HOMER1: variants seen among roughly 807,000 people sequenced by gnomAD.
HOMER1 encodes homer protein homolog 1.
In HOMER1, 3 loss-of-function variants were observed where a neutral mutation model predicts 48.9. The ratio of observed to expected loss-of-function variants is 0.06; its 90% CI spans 0.03 to 0.16. HOMER1 has a LOEUF of 0.16. HOMER1 is among the 10% of genes least tolerant of loss of function. The pLI is 1.00. For synonymous variants in HOMER1, 134 were observed against 146.4 expected (o/e 0.92, Z 0.61); for missense variants, 247 against 411.4 (o/e 0.60, Z 3.46).
rs540791701 is a variant in HOMER1, at chr5:79,407,459, G to A, written c.528-5404C>T. Reference sequence around the variant, plus strand: ...GTGTTAGTGGAAAGAAGGACATCACGTTCACTCAGATTGTGAATTTTAGCA... The same window carrying A: ...GTGTTAGTGGAAAGAAGGACATCACATTCACTCAGATTGTGAATTTTAGCA... On this transcript the variant is annotated intron_variant, in intron 5 of 8. Transcript: ENST00000334082. Among the ~76,000 whole-genome samples the A allele has an allele frequency of 7.2e-5, 11 of 152,278 alleles. No homozygotes were observed. The South Asian group carries it at 1.7e-3, about 23-fold the overall frequency.
intron 8 of HOMER1, among the ~76,000 whole-genome samples, chr5:79,383,386 C>A (rs80157921): frequency 1.1e-4 from 15 of 139,910 alleles, no homozygotes; most frequent in Non-Finnish European, 1.7e-4. Context: ...TACAGAACAT[C>A]TTTTTTTTTT....
intron 5 of HOMER1, among the ~76,000 whole-genome samples, chr5:79,403,804 T>C (rs1360686112): frequency 6.6e-6 from 1 of 152,216 alleles, no homozygotes; most frequent in Admixed American, 6.5e-5. Context: ...GTGATTTTTC[T>C]ATAAGTCTAA....
intron 5 of HOMER1, among the ~76,000 whole-genome samples, chr5:79,407,657 A>G (rs1486857619): frequency 1.3e-5 from 2 of 152,234 alleles, no homozygotes; most frequent in African/African-American, 4.8e-5. Context: ...CAAAGAGAAA[A>G]AAGAAAAAGA....
intron 8 of HOMER1, among the ~76,000 whole-genome samples, chr5:79,378,002 G>A (rs1263440535): frequency 6.6e-6 from 1 of 152,028 alleles, no homozygotes. Context: ...TGAATCACCT[G>A]AGGTCAGGAG....
intron 1 of HOMER1, among the ~76,000 whole-genome samples, chr5:79,481,015 T>A (rs967940090): frequency 6.6e-6 from 1 of 152,212 alleles, no homozygotes; most frequent in Non-Finnish European, 1.5e-5. Flanking sequence ...TATAAAGCAA[T>A]AGTCTATGTA....
intron 6 of HOMER1, among the ~76,000 whole-genome samples, chr5:79,401,483 C>A (rs1352455930): frequency 5.3e-5 from 8 of 152,130 alleles, no homozygotes; most frequent in Non-Finnish European, 1.2e-4. Context: ...AATCCCCTCC[C>A]CAGGACAACT....
intron 8 of HOMER1, among the ~76,000 whole-genome samples, chr5:79,380,166 A>C (rs1303833336): frequency 6.6e-6 from 1 of 152,174 alleles, no homozygotes; most frequent in Non-Finnish European, 1.5e-5. Flanking sequence ...TCAGTGGTCC[A>C]TATTTCCACC....
chr5:79,462,241 C>T (rs1751337202), intron 1 of HOMER1, among the ~76,000 whole-genome samples: 1 of 152,074 alleles, frequency 6.6e-6, no homozygotes, highest in South Asian at 2.1e-4. Flanking sequence ...AACACACACA[C>T]TTTAATCATA....
At chr5:79,381,969 A>G (rs1748994683) in intron 8 of HOMER1, among the ~76,000 whole-genome samples, 1 of 152,208 alleles carries the variant, frequency 6.6e-6, no homozygotes, top group African/African-American at 2.4e-5. Context: ...ACTATAAAAA[A>G]GAATCAAACA....
chr5:79,376,679 G>A (rs1392422030), intron 8 of HOMER1, among the ~76,000 whole-genome samples: 3 of 152,092 alleles, frequency 2.0e-5, no homozygotes, highest in Non-Finnish European at 4.4e-5. Context: ...GTGATTTTAG[G>A]ATCCTCTGAA....
At chr5:79,494,898 G>T (rs1752380316) in intron 1 of HOMER1, among the ~76,000 whole-genome samples, 1 of 152,156 alleles carries the variant, frequency 6.6e-6, no homozygotes, top group African/African-American at 2.4e-5. Context: ...CCTCCATATT[G>T]CAGCCTGAGT....
chr5:79,427,612 ACCTT>A (rs1193230008), intron 5 of HOMER1, among the ~76,000 whole-genome samples: 2 of 151,480 alleles, frequency 1.3e-5, no homozygotes, highest in Non-Finnish European at 2.9e-5. Context: ...TATGTTTACA[ACCTT>A]CCTTCCTTCC....
intron 5 of HOMER1, among the ~76,000 whole-genome samples, chr5:79,425,378 A>C (rs974762038): frequency 1.1e-4 from 16 of 140,456 alleles, no homozygotes; most frequent in African/African-American, 3.7e-4. Context: ...TCAAGCAGAA[A>C]ATTTTTAAAA....
chr5:79,392,106 A>G (rs1157781319), intron 8 of HOMER1, among the ~76,000 whole-genome samples: 1 of 152,204 alleles, frequency 6.6e-6, no homozygotes, highest in East Asian at 1.9e-4. Context: ...ATAGTACATA[A>G]TACTTAATAA....
intron 8 of HOMER1, among the ~76,000 whole-genome samples, chr5:79,386,150 G>C (rs911948981): frequency 6.6e-6 from 1 of 151,784 alleles, no homozygotes; most frequent in Admixed American, 6.6e-5. Flanking sequence ...GTACATCAAA[G>C]GGATACCCAC....
chr5:79,379,265 T>A (rs543284291), intron 8 of HOMER1, among the ~76,000 whole-genome samples: 2 of 105,250 alleles, frequency 1.9e-5, no homozygotes, highest in Non-Finnish European at 3.5e-5. Context: ...TTATATATAT[T>A]ATATATTATA....
intron 1 of HOMER1, among the ~76,000 whole-genome samples, chr5:79,471,199 C>A (rs934626381): frequency 6.6e-6 from 1 of 152,062 alleles, no homozygotes; most frequent in African/African-American, 2.4e-5. Flanking sequence ...TTCCTCAGAA[C>A]TCCCCAATGG....
chr5:79,420,297 C>T (rs112858034), intron 5 of HOMER1, among the ~76,000 whole-genome samples: 1 of 152,138 alleles, frequency 6.6e-6, no homozygotes, highest in African/African-American at 2.4e-5. Flanking sequence ...AGATTCTTTC[C>T]AGTTGTCACT....
At chr5:79,416,398 G>A (rs1190920938) in intron 5 of HOMER1, among the ~76,000 whole-genome samples, 1 of 152,170 alleles carries the variant, frequency 6.6e-6, no homozygotes, top group Non-Finnish European at 1.5e-5. Flanking sequence ...TATGTTATGT[G>A]TACTCCATAA....
Sources: allele counts gnomAD v4.1 joint callset (sites outside exome capture counted in the v4.1 genomes callset), GRCh38; gene constraint gnomAD v4.1.1; transcripts MANE v1.5; gene names NCBI Gene and HGNC (gene_info 2026-07-23, HGNC 2026-07-21).